PTPRJ: variants seen among roughly 807,000 people sequenced by gnomAD.
PTPRJ encodes the protein receptor-type tyrosine-protein phosphatase eta.
In PTPRJ, 129 loss-of-function variants were observed where a neutral mutation model predicts 141.3. That is an observed-to-expected ratio of 0.91 (90% CI 0.79 to 1.06). The LOEUF (loss-of-function observed/expected upper bound fraction) is 1.06. Among genes scored for constraint, PTPRJ ranks in the 50% least tolerant of loss-of-function variants. The pLI is 0.00. For missense variants in PTPRJ, 1,601 were observed against 1,679.7 expected (o/e 0.95, Z 0.82); for synonymous variants, 610 against 640.5 (o/e 0.95, Z 0.72).
intron 1 of PTPRJ, among the ~76,000 whole-genome samples, chr11:48,062,385 C>T (rs1416385080): frequency 6.6e-6 from 1 of 151,244 alleles, no homozygotes; most frequent in African/African-American, 2.4e-5. Flanking sequence ...TAGTGGCGGG[C>T]GCCTGTAGTA....
intron 1 of PTPRJ, among the ~76,000 whole-genome samples, chr11:48,044,248 C>T (rs1341824128): frequency 6.6e-6 from 1 of 152,234 alleles, no homozygotes; most frequent in Non-Finnish European, 1.5e-5. Flanking sequence ...TGGTTGAACT[C>T]ATTCCTCGCC....
At chr11:48,011,090 G>T (rs1310644410) in intron 1 of PTPRJ, among the ~76,000 whole-genome samples, 2 of 152,062 alleles carry the variant, frequency 1.3e-5, no homozygotes, top group African/African-American at 4.8e-5. Context: ...CAGGGACCAG[G>T]GCCCCTGGGC....
chr11:48,142,941 C>G lies in PTPRJ; in HGVS notation c.2466C>G (p.Ser822=), dbSNP rs777090273. The G allele has an allele frequency of 1.2e-6, 2 of 1,613,874 alleles. No homozygotes were observed. The highest frequency in any genetic ancestry group is 1.7e-6 in the Non-Finnish European group (2 of 1,179,920). The change falls in exon 12 of 25, where the codon TCC becomes TCG. Residue 822 remains serine, a synonymous_variant. Transcript: ENST00000418331. ...GITDPPPPDG[S]PNITSVSHNS... is the part of the protein sequence containing the mutation. ...TAGATCCCCCTCCTCCAGATGGATC[C>G]CCTAATATTACATCTGTCAGTCACA...
At chr11:48,159,265 A>G (rs1857702505) in intron 21 of PTPRJ, among the ~76,000 whole-genome samples, 1 of 152,112 alleles carries the variant, frequency 6.6e-6, no homozygotes, top group Non-Finnish European at 1.5e-5. Flanking sequence ...AAGACCCCAG[A>G]ATGATTTAAT....
intron 1 of PTPRJ, among the ~76,000 whole-genome samples, chr11:48,040,769 T>A (rs984527595): frequency 6.6e-5 from 10 of 152,084 alleles, no homozygotes; most frequent in Admixed American, 5.2e-4. Context: ...GCCCGGCTAA[T>A]TTTTGTAATT....
rs937283634 is a variant in PTPRJ, at chr11:48,158,401, A to G, written c.3439-1529A>G. ...GTATTTTCTGCACTAGATTCTCCAT[A>G]TATGTTATTTTTTTTCTGTAACAAC... On this transcript the variant is annotated intron_variant, in intron 21 of 24. Coordinates refer to ENST00000418331, the MANE Select transcript of PTPRJ (RefSeq NM_002843.4). The surrounding 1 kb of genome is among the most constrained non-coding windows in gnomAD (Gnocchi z 4.4). Among the ~76,000 whole-genome samples, 1 of 140,580 alleles carries G rather than the reference A, an allele frequency of 7.1e-6. No individual in the cohort carries two copies. The highest frequency in any genetic ancestry group is 1.6e-5 in the Non-Finnish European group (1 of 60,912). The allele number at this position is 140,580 out of a possible 152,430, so 92.2% of individuals were successfully genotyped here.
At position 47,981,282 on chromosome 11, in the gene PTPRJ, G is replaced by A. The variant is rs1252518286; in HGVS notation, c.96+274G>A. ...GGGAAAGCCTCCGCGCGGGCTCCAG[G>A]CCGTCCCTGGCCCGGCTCTTCCCGG... is the stretch of plus-strand genomic sequence containing the variant. On this transcript the variant is annotated intron_variant, in intron 1 of 24. Coordinates refer to ENST00000418331, the MANE Select transcript of PTPRJ (RefSeq NM_002843.4). Among the ~76,000 whole-genome samples, 4 of 152,280 alleles carry A rather than the reference G, an allele frequency of 2.6e-5. No individual in the cohort carries two copies. The South Asian group carries it at 6.2e-4, about 24-fold the overall frequency.
intron 1 of PTPRJ, among the ~76,000 whole-genome samples, chr11:48,058,947 G>A (rs564629030): frequency 8.1e-4 from 123 of 152,022 alleles, no homozygotes; most frequent in Middle Eastern, 3.4e-3. Flanking sequence ...TCTAGAACAC[G>A]TCACGTTCAT....
intron 15 of PTPRJ, 140 bp downstream of exon 15, chr11:48,147,103 C>T (rs1857371545): frequency 2.6e-6 from 2 of 771,732 alleles, no homozygotes. Flanking sequence ...CTGCATTTGG[C>T]CAGTCCTATT....
chr11:48,040,119 A>G (rs1400144433), intron 1 of PTPRJ, among the ~76,000 whole-genome samples: 1 of 152,156 alleles, frequency 6.6e-6, no homozygotes, highest in East Asian at 1.9e-4. Flanking sequence ...TTGCCAATGC[A>G]TCCTGTCCCC....
At chr11:48,092,068 G>A (rs1855879006) in intron 1 of PTPRJ, among the ~76,000 whole-genome samples, 1 of 151,920 alleles carries the variant, frequency 6.6e-6, no homozygotes, top group African/African-American at 2.4e-5. Flanking sequence ...GGCCAAGGCA[G>A]GCAGATTACT....
In PTPRJ at chr11:48,168,532, G is replaced by GTATATATATATATATA. The variant is rs1555061195; in HGVS notation, c.*1171_*1172insATATATATATATATAT. Reference sequence around the variant, plus strand: ...GCCGTGACACATATCGGAATCTACTGTGTATATATATATATATATATATAT... The same window carrying GTATATATATATATATA: ...GCCGTGACACATATCGGAATCTACTGTATATATATATATATATGTATATATATATATATATATATAT... On this transcript the variant is annotated 3_prime_UTR_variant, in exon 25 of 25. Coordinates refer to ENST00000418331, the MANE Select transcript of PTPRJ (RefSeq NM_002843.4). The GTATATATATATATATA allele has an allele frequency of 1.1e-4, 5 of 43,900 alleles. 2 individuals carry two copies. The highest frequency in any genetic ancestry group is 2.2e-4 in the Non-Finnish European group (5 of 23,218). The allele number at this position is 43,900 out of a possible 1,614,324, so 2.7% of individuals were successfully genotyped here.
intron 1 of PTPRJ, among the ~76,000 whole-genome samples, chr11:48,008,031 A>G (rs547804061): frequency 4.3e-4 from 66 of 152,268 alleles, no homozygotes; most frequent in Non-Finnish European, 7.9e-4. Context: ...GGTATTCAGT[A>G]ACGTATCTAT....
chr11:48,164,723 G>A (rs543666305), intron 24 of PTPRJ, among the ~76,000 whole-genome samples: 1 of 151,856 alleles, frequency 6.6e-6, no homozygotes, highest in East Asian at 1.9e-4. Context: ...CGCACACCAT[G>A]CCCAGCTAAT....
chr11:48,039,337 TAA>T (rs573653186), intron 1 of PTPRJ, among the ~76,000 whole-genome samples: 3 of 143,558 alleles, frequency 2.1e-5, no homozygotes, highest in Non-Finnish European at 4.6e-5. Context: ...TTAGAGAGGT[TAA>T]AAAAAAAAAA....
At chr11:48,009,452 T>A (rs1040674208) in intron 1 of PTPRJ, among the ~76,000 whole-genome samples, 2 of 151,976 alleles carry the variant, frequency 1.3e-5, no homozygotes, top group Non-Finnish European at 2.9e-5. Flanking sequence ...AAAAACTAGC[T>A]GGGTATGGTG....
intron 1 of PTPRJ, among the ~76,000 whole-genome samples, chr11:48,083,275 A>G (rs1008451212): frequency 2.6e-5 from 4 of 152,120 alleles, no homozygotes; most frequent in Non-Finnish European, 4.4e-5. Context: ...AAAATAAAAA[A>G]TTAGCTGAGC....
At chr11:48,095,826 C>T (rs1855988610) in intron 1 of PTPRJ, among the ~76,000 whole-genome samples, 1 of 152,112 alleles carries the variant, frequency 6.6e-6, no homozygotes, top group African/African-American at 2.4e-5. Flanking sequence ...GGTGATCCAC[C>T]CACCTCGGCC....
intron 1 of PTPRJ, among the ~76,000 whole-genome samples, chr11:48,084,623 A>G (rs1590481773): frequency 6.6e-6 from 1 of 152,326 alleles, no homozygotes; most frequent in African/African-American, 2.4e-5. Context: ...TGGTTGATAC[A>G]GCTGAGCTCT....
Sources: allele counts gnomAD v4.1 joint callset (sites outside exome capture counted in the v4.1 genomes callset), GRCh38; gene constraint gnomAD v4.1.1; non-coding constraint Gnocchi (gnomAD v3.1); transcripts MANE v1.5; gene names NCBI Gene and HGNC (gene_info 2026-07-23, HGNC 2026-07-21).